The following ANKFN1 variants were observed in gnomAD, a reference collection of about 807,000 sequenced individuals.
The protein encoded by ANKFN1 is ankyrin repeat and fibronectin type-III domain-containing protein 1.
A neutral mutation model predicts 108.7 loss-of-function variants in ANKFN1; 74 were observed. The observed-to-expected ratio is 0.68, with a 90% CI of 0.56 to 0.83. The LOEUF is 0.83. ANKFN1 is among the 40% of genes least tolerant of loss of function. The pLI is 0.00. For synonymous variants in ANKFN1, 547 were observed against 516.2 expected (o/e 1.06, Z -0.81); for missense variants, 1,505 against 1,382.3 (o/e 1.09, Z -1.41).
intron 1 of ANKFN1, among the ~76,000 whole-genome samples, chr17:56,173,829 G>T (rs1293479488): frequency 6.6e-6 from 1 of 152,190 alleles, no homozygotes; most frequent in Admixed American, 6.5e-5. Context: ...CTGGCACAGA[G>T]AAGATACTCT....
intron 4 of ANKFN1, among the ~76,000 whole-genome samples, chr17:56,070,600 C>T (rs1303375366): frequency 6.6e-6 from 1 of 152,050 alleles, no homozygotes; most frequent in Non-Finnish European, 1.5e-5. Flanking sequence ...CACTGTACAC[C>T]CTCACTATAG....
At chr17:56,121,623 GA>G (rs35565412) in intron 4 of ANKFN1, among the ~76,000 whole-genome samples, 41 of 151,770 alleles carry the variant, frequency 2.7e-4, no homozygotes, top group Admixed American at 1.8e-3. Flanking sequence ...AGTGCTAGGG[GA>G]AAAAAAGGGT....
At chr17:56,051,851 C>A (rs112330648) in intron 4 of ANKFN1, among the ~76,000 whole-genome samples, 1,818 of 151,060 alleles carry the variant, frequency 0.012, 12 homozygotes, top group South Asian at 0.035. Context: ...ACCTAGGAAT[C>A]CAACTTACAA....
chr17:56,442,940 G>A lies in ANKFN1; in HGVS notation c.1099+7G>A, dbSNP rs1207120563. On this transcript the variant is annotated splice_region_variant and intron_variant, in intron 10 of 20. Transcript: ENST00000682825. ...GCATGTGCCTCTCCTTCTAGTAGGT[G>A]GTGGCTGTGAACTCTCTCCAGCATG... The A allele has an allele frequency of 1.2e-6, 2 of 1,613,262 alleles. No individual in the cohort carries two copies. The highest frequency in any genetic ancestry group is 1.7e-5 in the Admixed American group (1 of 59,954).
chr17:56,466,599 G>A, intron 15 of ANKFN1, 28 bp downstream of exon 15: 1 of 1,557,516 alleles, frequency 6.4e-7, no homozygotes, highest in East Asian at 2.4e-5. Context: ...TAATTCCCGG[G>A]TATACTTAAG....
chr17:56,408,137 G>A (rs368313366), intron 8 of ANKFN1, among the ~76,000 whole-genome samples: 2 of 151,982 alleles, frequency 1.3e-5, no homozygotes, highest in East Asian at 3.9e-4. Context: ...GTTTCACCAT[G>A]TTGGCCAGGT....
chr17:56,163,953 T>TC (rs1333463922), intron 1 of ANKFN1, among the ~76,000 whole-genome samples: 2 of 152,244 alleles, frequency 1.3e-5, no homozygotes, highest in Non-Finnish European at 2.9e-5. Flanking sequence ...GTGGTGTGTG[T>TC]ATTTTGGTGT....
At chr17:56,151,485 G>A (rs551415212), upstream of ANKFN1, among the ~76,000 whole-genome samples, 1 of 152,288 alleles carries the variant, frequency 6.6e-6, no homozygotes, top group East Asian at 1.9e-4. Flanking sequence ...AAGCAGCATG[G>A]TAGAGTGGAG....
rs898255922 is a variant in ANKFN1 at position 56,326,871 on chromosome 17, G to A, written c.188+516G>A. Among the ~76,000 whole-genome samples the A allele has an allele frequency of 6.7e-4, 102 of 152,310 alleles. 1 individual carries two copies. The highest frequency in any genetic ancestry group is 2.3e-3 in the African/African-American group (97 of 41,572). On this transcript the variant is annotated intron_variant, in intron 4 of 20. Coordinates refer to ENST00000682825, the MANE Select transcript of ANKFN1 (RefSeq NM_001370326.1). ...TGCCAGCACTCTGTTCATCCTGGGT[G>A]AGTGTGCCCATAAATAACATTATGA...
intron 3 of ANKFN1, among the ~76,000 whole-genome samples, chr17:56,290,700 C>A (rs991661873): frequency 6.6e-6 from 1 of 152,102 alleles, no homozygotes; most frequent in Non-Finnish European, 1.5e-5. Flanking sequence ...GTATTAAATT[C>A]TCTATTTGCA....
intron 4 of ANKFN1, among the ~76,000 whole-genome samples, chr17:56,329,298 G>T (rs1203110685): frequency 2.0e-5 from 3 of 152,040 alleles, no homozygotes; most frequent in Non-Finnish European, 2.9e-5. Context: ...GCCCTCACTG[G>T]TACTGACTTA....
chr17:56,078,664 C>T lies in ANKFN1; in HGVS notation c.288+32339C>T, dbSNP rs1483615068. The stretch of plus-strand genomic sequence containing the variant: ...TATTATTATTCTCATAATAAGTCCT[C>T]TCTTTCTGAAAGTCACAGAAACACA... On this transcript the variant is annotated intron_variant, in intron 4 of 12. Transcript: ENST00000635860. Among the ~76,000 whole-genome samples, 5 of 152,270 alleles carry T rather than the reference C, an allele frequency of 3.3e-5. No individual in the cohort carries two copies. The East Asian group carries it at 9.6e-4, about 29-fold the overall frequency.
chr17:56,299,387 T>G (rs1016633487), intron 3 of ANKFN1, among the ~76,000 whole-genome samples: 1 of 152,216 alleles, frequency 6.6e-6, no homozygotes, highest in Non-Finnish European at 1.5e-5. Flanking sequence ...CTCCTGGTTT[T>G]CAGGTTGTAC....
intron 12 of ANKFN1, 92 bp from the exon 13 acceptor site, chr17:56,457,164 AG>A (rs1417703728): frequency 7.8e-7 from 1 of 1,288,916 alleles, no homozygotes; most frequent in African/African-American, 1.5e-5. Context: ...ATACGTTCCT[AG>A]GTATATTTTA....
intron 4 of ANKFN1, among the ~76,000 whole-genome samples, chr17:56,075,546 T>C (rs771107903): frequency 1.3e-5 from 2 of 151,934 alleles, no homozygotes; most frequent in Non-Finnish European, 2.9e-5. Context: ...ATAAGAACAA[T>C]GGAGGTACTT....
intron 3 of ANKFN1, among the ~76,000 whole-genome samples, chr17:56,299,472 T>C (rs1398547893): frequency 6.6e-6 from 1 of 152,256 alleles, no homozygotes; most frequent in Non-Finnish European, 1.5e-5. Context: ...GTAATCCCTG[T>C]ACATTCTGAA....
intron 11 of ANKFN1, among the ~76,000 whole-genome samples, chr17:56,456,338 T>G (rs201870722): frequency 6.6e-6 from 1 of 152,006 alleles, no homozygotes; most frequent in East Asian, 1.9e-4. Context: ...CTCCAGCATT[T>G]TTGAGGAGTT....
chr17:56,166,232 A>G (rs190971981), intron 1 of ANKFN1, among the ~76,000 whole-genome samples: 1 of 152,318 alleles, frequency 6.6e-6, no homozygotes, highest in Non-Finnish European at 1.5e-5. Context: ...ACCTTTGAAG[A>G]GTTGCTTTTC....
At chr17:56,364,654 G>A (rs549527110) in intron 6 of ANKFN1, among the ~76,000 whole-genome samples, 2 of 152,302 alleles carry the variant, frequency 1.3e-5, no homozygotes, top group East Asian at 3.9e-4. Flanking sequence ...TCCCCTTTGA[G>A]TTTGATGAGT....
Sources: allele counts gnomAD v4.1 joint callset (sites outside exome capture counted in the v4.1 genomes callset), GRCh38; gene constraint gnomAD v4.1.1; transcripts MANE v1.5; gene names NCBI Gene and HGNC (gene_info 2026-07-23, HGNC 2026-07-21).